The following GPM6A variants were observed in gnomAD, a reference collection of about 807,000 sequenced individuals.
GPM6A encodes the protein glycoprotein M6A.
In GPM6A, 7 loss-of-function variants were observed where a neutral mutation model predicts 32.1. The ratio of observed to expected loss-of-function variants is 0.22; its 90% CI spans 0.12 to 0.41. GPM6A has a LOEUF of 0.41. Among genes scored for constraint, GPM6A ranks in the 10% least tolerant of loss-of-function variants. The pLI is 1.00. For synonymous variants in GPM6A, 130 were observed against 123.4 expected, an observed-to-expected ratio of 1.05 and a Z score of -0.35; for missense variants, 235 against 347.2, an observed-to-expected ratio of 0.68 and a Z score of 2.57.
chr4:175,799,685 T>TTTTTTTTTTTTG (rs1312154171), intron 1 of GPM6A, among the ~76,000 whole-genome samples: 1 of 136,582 alleles, frequency 7.3e-6, no homozygotes, highest in African/African-American at 2.6e-5. Flanking sequence ...TTTTTTTTTT[T>TTTTTTTTTTTTG]GAGACGGAGT....
intron 1 of GPM6A, among the ~76,000 whole-genome samples, chr4:175,713,655 A>T (rs1217558540): frequency 6.6e-6 from 1 of 152,214 alleles, no homozygotes; most frequent in African/African-American, 2.4e-5. Context: ...ACCAAAAACA[A>T]ACTCAAATGA....
intron 1 of GPM6A, among the ~76,000 whole-genome samples, chr4:175,982,254 G>C (rs1740841916): frequency 1.3e-5 from 2 of 151,992 alleles, no homozygotes; most frequent in African/African-American, 4.8e-5. Flanking sequence ...CTTCCATTTT[G>C]ATGGATATCA....
At chr4:175,968,263 C>A (rs760362568) in intron 1 of GPM6A, among the ~76,000 whole-genome samples, 1 of 151,874 alleles carries the variant, frequency 6.6e-6, no homozygotes, top group East Asian at 1.9e-4. Context: ...ATAGCTTTCA[C>A]AGAAATAAAC....
chr4:175,724,635 A>G (rs184189187), intron 1 of GPM6A, among the ~76,000 whole-genome samples: 38 of 152,286 alleles, frequency 2.5e-4, no homozygotes, highest in African/African-American at 8.9e-4. Context: ...AAGCTGGTAG[A>G]AAAAATGAAC....
chr4:175,872,804 C>A (rs1400250315), intron 1 of GPM6A: 2 of 152,192 alleles, frequency 1.3e-5, no homozygotes, highest in East Asian at 3.9e-4. Context: ...GTATAACGCT[C>A]CTGTGAAAAT....
intron 1 of GPM6A, chr4:175,962,411 G>A (rs1329554571): frequency 2.3e-5 from 17 of 723,818 alleles, no homozygotes; most frequent in Non-Finnish European, 3.1e-5. Context: ...ACACTCCCAA[G>A]TGGGAGCAAA....
chr4:175,879,851 T>A (rs1271068940), intron 1 of GPM6A, among the ~76,000 whole-genome samples: 1 of 152,100 alleles, frequency 6.6e-6, no homozygotes, highest in Non-Finnish European at 1.5e-5. Flanking sequence ...ACAATAATAA[T>A]AAAATAATAT....
At chr4:175,754,340 T>C (rs1732448173) in intron 1 of GPM6A, among the ~76,000 whole-genome samples, 1 of 152,104 alleles carries the variant, frequency 6.6e-6, no homozygotes, top group Non-Finnish European at 1.5e-5. Context: ...ATTAAGGTAT[T>C]GAAAGGTGGA....
At chr4:175,673,182 G>A (rs1392741312) in intron 3 of GPM6A, among the ~76,000 whole-genome samples, 1 of 152,020 alleles carries the variant, frequency 6.6e-6, no homozygotes, top group East Asian at 1.9e-4. Flanking sequence ...AAACTGTAGA[G>A]TAAGACTATA....
chr4:175,891,672 G>A (rs1317746869), intron 1 of GPM6A: 1 of 152,204 alleles, frequency 6.6e-6, no homozygotes, highest in Non-Finnish European at 1.5e-5. Context: ...TTTCAGGACA[G>A]TAGTTATTCC....
intron 1 of GPM6A, among the ~76,000 whole-genome samples, chr4:175,899,362 T>C (rs759953911): frequency 2.6e-5 from 4 of 152,070 alleles, no homozygotes; most frequent in African/African-American, 4.8e-5. Flanking sequence ...GATATATAAA[T>C]AGACAATAAA....
At chr4:175,991,713 A>T (rs906897618) in intron 1 of GPM6A, among the ~76,000 whole-genome samples, 1 of 152,180 alleles carries the variant, frequency 6.6e-6, no homozygotes, top group African/African-American at 2.4e-5. Flanking sequence ...CAAACAAAAA[A>T]TACTATACCC....
intron 1 of GPM6A, among the ~76,000 whole-genome samples, chr4:175,862,302 C>A (rs569716101): frequency 1.3e-5 from 2 of 152,178 alleles, no homozygotes; most frequent in Non-Finnish European, 2.9e-5. Context: ...CTTGAGGTCA[C>A]CCCTTTCCAT....
intron 1 of GPM6A, among the ~76,000 whole-genome samples, chr4:175,735,295 G>T (rs1393919357): frequency 6.6e-6 from 1 of 152,126 alleles, no homozygotes; most frequent in Non-Finnish European, 1.5e-5. Context: ...GTCATATAAA[G>T]AGAAAACTGA....
chr4:175,699,180 A>G (rs1744737284), intron 2 of GPM6A, among the ~76,000 whole-genome samples: 1 of 152,180 alleles, frequency 6.6e-6, no homozygotes. Context: ...AGAAAATGTC[A>G]GTTTTATCAC....
chr4:175,740,859 AG>A (rs1229497522), intron 1 of GPM6A, among the ~76,000 whole-genome samples: 1 of 152,028 alleles, frequency 6.6e-6, no homozygotes, highest in Non-Finnish European at 1.5e-5. Context: ...TTTTTAAGGC[AG>A]GGCTCTGAAT....
chr4:175,682,798 GC>G (rs1743760599), intron 2 of GPM6A, among the ~76,000 whole-genome samples: 1 of 152,218 alleles, frequency 6.6e-6, no homozygotes, highest in Non-Finnish European at 1.5e-5. Context: ...ACACTTGGCA[GC>G]CCCTGCCTAG....
chr4:175,814,340 A>G (rs1228800906), upstream of GPM6A, among the ~76,000 whole-genome samples: 6 of 152,206 alleles, frequency 3.9e-5, no homozygotes, highest in East Asian at 1.2e-3. Context: ...AGACTGGGCT[A>G]ATAAATCACC....
chr4:175,767,689 T>G (rs973095330), intron 1 of GPM6A, among the ~76,000 whole-genome samples: 3 of 152,074 alleles, frequency 2.0e-5, no homozygotes, highest in Admixed American at 6.6e-5. Context: ...ATTTTAGGAG[T>G]TTTATAAACA....
Sources: gnomAD v4.1 joint callset for allele counts (sites outside exome capture counted in the v4.1 genomes callset) on GRCh38, gnomAD v4.1.1 for gene constraint, MANE v1.5 for transcripts, NCBI Gene and HGNC (gene_info 2026-07-23, HGNC 2026-07-21) for gene names.